Variants in TMTC1 observed in about 807,000 individuals in gnomAD.
TMTC1 encodes protein O-mannosyl-transferase TMTC1.
Under a neutral mutation model 104.8 loss-of-function variants are expected in TMTC1, and 73 were observed. The ratio of observed to expected loss-of-function variants is 0.70; its 90% CI spans 0.58 to 0.85. TMTC1 has a LOEUF of 0.85. TMTC1 is among the 40% of genes least tolerant of loss of function. The probability of loss-of-function intolerance (pLI) is 0.00; values close to 1 mark genes in which losing one functional copy is unlikely to be tolerated. For synonymous variants in TMTC1, 434 were observed against 428.7 expected (o/e 1.01, Z -0.15); for missense variants, 1,035 against 1,096.1 (o/e 0.94, Z 0.79).
At chr12:29,523,217 G>A (rs1944233630) in intron 11 of TMTC1, among the ~76,000 whole-genome samples, 1 of 152,164 alleles carries the variant, frequency 6.6e-6, no homozygotes, top group Admixed American at 6.5e-5. Flanking sequence ...ATGTAACAAA[G>A]TTTATTTGAG....
chr12:29,652,470 G>A (rs1483672724), intron 5 of TMTC1, among the ~76,000 whole-genome samples: 2 of 152,254 alleles, frequency 1.3e-5, no homozygotes, highest in African/African-American at 2.4e-5. Context: ...ATGTCTTAAC[G>A]ACAAAAAGCA....
chr12:29,776,981 G>A (rs1221389364), intron 1 of TMTC1, among the ~76,000 whole-genome samples: 2 of 152,218 alleles, frequency 1.3e-5, no homozygotes, highest in African/African-American at 2.4e-5. Flanking sequence ...AGGGATCAGA[G>A]AGGTAGCCAG....
chr12:29,778,420 C>A (rs1943760422), intron 1 of TMTC1, among the ~76,000 whole-genome samples: 1 of 152,146 alleles, frequency 6.6e-6, no homozygotes, highest in South Asian at 2.1e-4. Context: ...CCATTCTGGA[C>A]CATTTTTCAA....
At chr12:29,515,093 C>T (rs1943947015) in intron 15 of TMTC1, among the ~76,000 whole-genome samples, 1 of 152,154 alleles carries the variant, frequency 6.6e-6, no homozygotes, top group Non-Finnish European at 1.5e-5. Context: ...TTCTTACACT[C>T]CAGTTTTCCC....
intron 5 of TMTC1, among the ~76,000 whole-genome samples, chr12:29,647,725 T>A (rs994402931): frequency 6.6e-6 from 1 of 152,198 alleles, no homozygotes; most frequent in South Asian, 2.1e-4. Flanking sequence ...GACCTACCAC[T>A]CAAGCAAATC....
intron 9 of TMTC1, among the ~76,000 whole-genome samples, chr12:29,559,045 G>C (rs961913272): frequency 4.6e-5 from 7 of 152,142 alleles, no homozygotes; most frequent in African/African-American, 1.4e-4. Context: ...AAGATTTAAG[G>C]GTTGTCCCAT....
chr12:29,563,165 C>A (rs1400759467), intron 9 of TMTC1, among the ~76,000 whole-genome samples: 1 of 152,230 alleles, frequency 6.6e-6, no homozygotes, highest in Non-Finnish European at 1.5e-5. Context: ...GCCTGTCAAT[C>A]CTTCATCATC....
intron 5 of TMTC1, among the ~76,000 whole-genome samples, chr12:29,675,364 T>C (rs2033038): frequency 0.55 from 83,793 of 152,022 alleles, 23,339 homozygotes; most frequent in African/African-American, 0.63. Context: ...TGAAGCTGGA[T>C]TTTCATCCAG....
chr12:29,737,548 G>A (rs751066258), intron 5 of TMTC1, among the ~76,000 whole-genome samples: 4 of 152,082 alleles, frequency 2.6e-5, no homozygotes, highest in East Asian at 3.9e-4. Context: ...AAAGGGCGGC[G>A]GGAGGGGGGA....
chr12:29,567,783 A>G (rs943039913), intron 9 of TMTC1, among the ~76,000 whole-genome samples: 3 of 152,178 alleles, frequency 2.0e-5, no homozygotes, highest in Non-Finnish European at 4.4e-5. Context: ...ACATGTTCAA[A>G]CTTCACCCCA....
At chr12:29,580,276 G>A (rs372713282) in intron 8 of TMTC1, among the ~76,000 whole-genome samples, 2 of 152,016 alleles carry the variant, frequency 1.3e-5, no homozygotes, top group Non-Finnish European at 2.9e-5. Flanking sequence ...CCATGATCAC[G>A]CCACTACACC....
At chr12:29,597,247 T>TTTA (rs1946434374) in intron 7 of TMTC1, among the ~76,000 whole-genome samples, 1 of 149,546 alleles carries the variant, frequency 6.7e-6, no homozygotes, top group South Asian at 2.1e-4. Flanking sequence ...TCTTTCTTTT[T>TTTA]TTTTTTTTTT....
At chr12:29,580,397 C>T (rs1017485888) in intron 8 of TMTC1, among the ~76,000 whole-genome samples, 7 of 152,106 alleles carry the variant, frequency 4.6e-5, no homozygotes, top group Non-Finnish European at 8.8e-5. Context: ...AAATACATCA[C>T]ACAGTGGGAT....
At chr12:29,720,533 T>A (rs934789339) in intron 5 of TMTC1, among the ~76,000 whole-genome samples, 1 of 152,182 alleles carries the variant, frequency 6.6e-6, no homozygotes, top group East Asian at 1.9e-4. Flanking sequence ...TTAAATTCTA[T>A]GGACAGGTTT....
In TMTC1 at chr12:29,642,831, AG is replaced by A. The variant is rs373182887; in HGVS notation, c.939-9496del. Among the ~76,000 whole-genome samples the A allele has an allele frequency of 2.9e-3, 447 of 151,988 alleles. 18 individuals are homozygous for A. The East Asian group carries it at 0.078, about 26-fold the overall frequency. On this transcript the variant is annotated intron_variant, in intron 5 of 17. Transcript: ENST00000539277. ...TCCCAGCTATTCAGGAGGCTGAGGC[AG>A]GAGAATGGCGTGAACCCAGGAGGCG...
At chr12:29,630,366 C>T (rs990850176) in intron 6 of TMTC1, among the ~76,000 whole-genome samples, 2 of 152,092 alleles carry the variant, frequency 1.3e-5, no homozygotes, top group Admixed American at 1.3e-4. Context: ...GGGAGAAAAA[C>T]CCCTAATAAA....
intron 5 of TMTC1, among the ~76,000 whole-genome samples, chr12:29,749,805 T>G (rs1481343370): frequency 6.6e-6 from 1 of 152,148 alleles, no homozygotes; most frequent in Non-Finnish European, 1.5e-5. Context: ...AAATCCTTGT[T>G]TCCTTCCTTT....
chr12:29,701,988 G>T (rs537561341), intron 5 of TMTC1, among the ~76,000 whole-genome samples: 1 of 152,286 alleles, frequency 6.6e-6, no homozygotes, highest in South Asian at 2.1e-4. Context: ...TGCAGGTTTT[G>T]TTAAGGATAA....
At chr12:29,524,283 T>C (rs548087523) in intron 11 of TMTC1, among the ~76,000 whole-genome samples, 1 of 152,278 alleles carries the variant, frequency 6.6e-6, no homozygotes, top group Non-Finnish European at 1.5e-5. Context: ...TAAAATGAAA[T>C]AGATCAAAGA....
Sources: gnomAD v4.1 joint callset for allele counts (sites outside exome capture counted in the v4.1 genomes callset) on GRCh38, gnomAD v4.1.1 for gene constraint, MANE v1.5 for transcripts, NCBI Gene and HGNC (gene_info 2026-07-23, HGNC 2026-07-21) for gene names.